The following SCGN variants were observed in gnomAD, a reference collection of about 807,000 sequenced individuals.
SCGN encodes the protein secretagogin.
Under a neutral mutation model 39.7 loss-of-function variants are expected in SCGN, and 30 were observed. The ratio of observed to expected loss-of-function variants is 0.76; its 90% CI spans 0.57 to 1.03. The LOEUF (loss-of-function observed/expected upper bound fraction) is 1.03. Among genes scored for constraint, SCGN ranks in the 50% least tolerant of loss-of-function variants. The probability of loss-of-function intolerance (pLI) is 0.00; values close to 1 mark genes in which losing one functional copy is unlikely to be tolerated. For missense variants in SCGN, 353 were observed against 349.4 expected, an observed-to-expected ratio of 1.01 and a Z score of -0.08; for synonymous variants, 106 against 114.1, an observed-to-expected ratio of 0.93 and a Z score of 0.45.
chr6:25,660,148 T>G (rs1028309542), intron 2 of SCGN, among the ~76,000 whole-genome samples: 3 of 152,210 alleles, frequency 2.0e-5, no homozygotes, highest in Admixed American at 6.5e-5. Context: ...GGAGATAATA[T>G]TTGTTAAAGA....
chr6:25,677,423 C>T (rs1759578393), intron 6 of SCGN, among the ~76,000 whole-genome samples: 1 of 152,054 alleles, frequency 6.6e-6, no homozygotes, highest in Admixed American at 6.6e-5. Context: ...AGAGTAATTA[C>T]CTGACAAATA....
chr6:25,698,044 A>G (rs1337429679), intron 10 of SCGN, among the ~76,000 whole-genome samples: 1 of 152,190 alleles, frequency 6.6e-6, no homozygotes, highest in African/African-American at 2.4e-5. Flanking sequence ...TACCTCAGGA[A>G]CCTATCTGCA....
At chr6:25,683,218 C>T (rs1055182058) in intron 7 of SCGN, among the ~76,000 whole-genome samples, 1 of 152,298 alleles carries the variant, frequency 6.6e-6, no homozygotes, top group East Asian at 1.9e-4. Flanking sequence ...CTCCCTGGAT[C>T]CCACCTGGTT....
rs964812609 is a variant in SCGN at position 25,689,371 on chromosome 6, G to A, written c.574-102G>A. ...AGCATGGAATCAAGGGATCTTAAAG[G>A]TCATTGACTCAAAGTTTACAAAATT... On this transcript the variant is annotated intron_variant, in intron 8 of 10. Coordinates refer to ENST00000377961, the MANE Select transcript of SCGN (RefSeq NM_006998.4). The A allele has an allele frequency of 1.5e-5, 18 of 1,220,756 alleles. No homozygotes were observed. In the South Asian group the frequency reaches 2.2e-4, roughly 15 times the overall value. 75.6% of individuals were successfully genotyped at this position (1,220,756 alleles called of 1,614,324 possible).
At chr6:25,695,885 A>T (rs1759830925) in intron 10 of SCGN, among the ~76,000 whole-genome samples, 1 of 152,178 alleles carries the variant, frequency 6.6e-6, no homozygotes, top group Non-Finnish European at 1.5e-5. Context: ...AAATCAACAC[A>T]AGAATCTACA....
At chr6:25,683,875 A>C (rs993684027) in intron 7 of SCGN, among the ~76,000 whole-genome samples, 2 of 152,242 alleles carry the variant, frequency 1.3e-5, no homozygotes, top group African/African-American at 2.4e-5. Context: ...TGTAAGTAGT[A>C]AATTATGCAA....
chr6:25,664,818 T>C (rs965227104), intron 3 of SCGN, 125 bp from the exon 4 acceptor site: 12 of 625,546 alleles, frequency 1.9e-5, no homozygotes, highest in African/African-American at 3.7e-5. Flanking sequence ...CAAACCGAGC[T>C]GTTCATCCTG....
intron 4 of SCGN, among the ~76,000 whole-genome samples, chr6:25,668,800 G>T (rs905917357): frequency 2.6e-5 from 4 of 152,084 alleles, no homozygotes; most frequent in Non-Finnish European, 5.9e-5. Context: ...TCACTTTCTT[G>T]CGATCTATGC....
At chr6:25,672,323 C>A (rs1283295337) in intron 6 of SCGN, among the ~76,000 whole-genome samples, 1 of 152,102 alleles carries the variant, frequency 6.6e-6, no homozygotes, top group Non-Finnish European at 1.5e-5. Flanking sequence ...AGACTGACAA[C>A]AAATAATAAA....
chr6:25,693,616 A>G (rs572765264), intron 10 of SCGN, among the ~76,000 whole-genome samples: 3 of 152,008 alleles, frequency 2.0e-5, no homozygotes, highest in Admixed American at 2.0e-4. Context: ...AATAATGTAA[A>G]AAAAGCCAGT....
intron 10 of SCGN, among the ~76,000 whole-genome samples, chr6:25,695,192 AG>A (rs1759823297): frequency 1.3e-5 from 2 of 152,244 alleles, no homozygotes; most frequent in Non-Finnish European, 1.5e-5. Context: ...ATAAGATTAC[AG>A]GTCTTTGAGG....
intron 10 of SCGN, among the ~76,000 whole-genome samples, chr6:25,692,911 C>A (rs538354679): frequency 6.6e-6 from 1 of 151,946 alleles, no homozygotes; most frequent in Non-Finnish European, 1.5e-5. Context: ...TAGATGAGGC[C>A]GTGTAAAATG....
chr6:25,656,589 A>C (rs1411182561), intron 2 of SCGN, among the ~76,000 whole-genome samples: 1 of 152,198 alleles, frequency 6.6e-6, no homozygotes, highest in East Asian at 1.9e-4. Flanking sequence ...TACCCCTCAC[A>C]TACAGACTGT....
chr6:25,691,171 T>C, intron 10 of SCGN, 47 bp downstream of exon 10: 1 of 1,377,090 alleles, frequency 7.3e-7, no homozygotes, highest in African/African-American at 1.4e-5. Flanking sequence ...TTGTTTTGAT[T>C]TATTCCATTG....
chr6:25,662,114 T>C (rs376751264), intron 3 of SCGN, among the ~76,000 whole-genome samples: 20 of 152,344 alleles, frequency 1.3e-4, no homozygotes, highest in East Asian at 9.6e-4. Flanking sequence ...GTGTCTTTAC[T>C]TCAACTCAAC....
At chr6:25,667,460 C>T (rs541796551) in intron 4 of SCGN, among the ~76,000 whole-genome samples, 12 of 152,114 alleles carry the variant, frequency 7.9e-5, no homozygotes, top group Non-Finnish European at 1.0e-4. Flanking sequence ...CTTTACTTTT[C>T]CCCTGAACCA....
intron 6 of SCGN, among the ~76,000 whole-genome samples, chr6:25,676,044 C>T (rs1759559295): frequency 6.6e-6 from 1 of 152,176 alleles, no homozygotes; most frequent in Admixed American, 6.5e-5. Context: ...ACTGGGTCTT[C>T]CTCAAGCTTT....
At chr6:25,663,873 A>G (rs1369379404) in intron 3 of SCGN, among the ~76,000 whole-genome samples, 1 of 152,212 alleles carries the variant, frequency 6.6e-6, no homozygotes, top group Non-Finnish European at 1.5e-5. Context: ...ATTAGAAAAT[A>G]TGAATGAGAA....
At chr6:25,675,669 A>G (rs920590318) in intron 6 of SCGN, among the ~76,000 whole-genome samples, 2 of 152,314 alleles carry the variant, frequency 1.3e-5, no homozygotes, top group Middle Eastern at 3.4e-3. Context: ...GCTTGTCCCC[A>G]TCCATGATCC....
Sources: allele counts gnomAD v4.1 joint callset (sites outside exome capture counted in the v4.1 genomes callset), GRCh38; gene constraint gnomAD v4.1.1; transcripts MANE v1.5; gene names NCBI Gene and HGNC (gene_info 2026-07-23, HGNC 2026-07-21).